Variants in CYP4Z1 observed in about 807,000 individuals in gnomAD.
CYP4Z1 encodes cytochrome P450 4Z1.
A neutral mutation model predicts 54.2 loss-of-function variants in CYP4Z1; 41 were observed. That is an observed-to-expected ratio of 0.76 (90% CI 0.59 to 0.98). CYP4Z1 has a LOEUF of 0.98. Among genes scored for constraint, CYP4Z1 ranks in the 50% least tolerant of loss-of-function variants. The probability of loss-of-function intolerance (pLI) is 0.00; values close to 1 mark genes in which losing one functional copy is unlikely to be tolerated. For synonymous variants in CYP4Z1, 163 were observed against 206.2 expected, an observed-to-expected ratio of 0.79 and a Z score of 1.79; for missense variants, 513 against 599.0, an observed-to-expected ratio of 0.86 and a Z score of 1.50.
chr1:47,075,814 C>T (rs377005797), intron 2 of CYP4Z1: 5,844 of 187,516 alleles, frequency 0.031, no homozygotes, highest in South Asian at 0.054. Context: ...GTTGGCAGCA[C>T]CTGTCTCACT....
In CYP4Z1 at chr1:47,074,110, G is replaced by A. The variant is rs1289583261; in HGVS notation, c.319+5347G>A. On this transcript the variant is annotated intron_variant, in intron 2 of 11. Coordinates refer to ENST00000334194, the MANE Select transcript of CYP4Z1 (RefSeq NM_178134.3). Reference sequence around the variant, plus strand: ...ACATAGGTCTTTAGTCCTTTTTTTGGGTGAAAGAAGCCTAAAGTAGGGGCA... The same window carrying A: ...ACATAGGTCTTTAGTCCTTTTTTTGAGTGAAAGAAGCCTAAAGTAGGGGCA... Among the ~76,000 whole-genome samples, 10 of 152,260 alleles carry A rather than the reference G, an allele frequency of 6.6e-5. No homozygotes were observed. In the South Asian group the frequency reaches 1.9e-3, roughly 29 times the overall value.
chr1:47,082,226 C>T, intron 3 of CYP4Z1, 108 bp from the exon 4 acceptor site: 1 of 1,378,324 alleles, frequency 7.3e-7, no homozygotes, highest in Non-Finnish European at 9.8e-7. Context: ...GCTCTGTCCA[C>T]TCTAACTTTT....
upstream of CYP4Z1, among the ~76,000 whole-genome samples, chr1:47,066,013 A>G (rs1644447886): frequency 1.3e-5 from 2 of 152,162 alleles, no homozygotes; most frequent in Non-Finnish European, 2.9e-5. Context: ...ACCAATAACA[A>G]GCAGTGAGAT....
At chr1:47,058,034 T>G in the CYP4Z1 span, among the ~76,000 whole-genome samples, 2 of 152,092 alleles carry the variant, frequency 1.3e-5, no homozygotes, top group African/African-American at 4.8e-5. Context: ...AAATTCTTTT[T>G]TAAAAAAACT....
At chr1:47,096,381 T>C (rs1484927661) in intron 7 of CYP4Z1, among the ~76,000 whole-genome samples, 2 of 152,210 alleles carry the variant, frequency 1.3e-5, no homozygotes, top group Non-Finnish European at 2.9e-5. Flanking sequence ...CCAGACTGTG[T>C]GACAGAGCAA....
At chr1:47,115,268 G>A (rs1644821390) in intron 9 of CYP4Z1, among the ~76,000 whole-genome samples, 1 of 152,060 alleles carries the variant, frequency 6.6e-6, no homozygotes, top group Admixed American at 6.6e-5. Flanking sequence ...GACACAGGAA[G>A]GGGAACATCA....
intron 9 of CYP4Z1, among the ~76,000 whole-genome samples, chr1:47,114,247 G>GA (rs1323822641): frequency 6.6e-6 from 1 of 152,230 alleles, no homozygotes; most frequent in East Asian, 1.9e-4. Flanking sequence ...GCCATATGCA[G>GA]AAAGCTGAAA....
chr1:47,098,863 A>T (rs918887152), intron 7 of CYP4Z1, among the ~76,000 whole-genome samples: 12 of 152,230 alleles, frequency 7.9e-5, no homozygotes, highest in African/African-American at 2.9e-4. Context: ...ATGAACGTCC[A>T]TAGGACTCTC....
rs1330529583 is a variant in CYP4Z1, at chr1:47,094,615, A to AGAT, written c.823_825dup (p.Asp275dup). 1 of 1,610,582 alleles carries AGAT rather than the reference A, an allele frequency of 6.2e-7. No homozygotes were observed. Among genetic ancestry groups the AGAT allele is most frequent in the East Asian group, 2.2e-5 (1 of 44,790 alleles). On this transcript the variant is annotated inframe_insertion, in exon 7 of 12. Coordinates refer to ENST00000334194, the MANE Select transcript of CYP4Z1 (RefSeq NM_178134.3). ...AGTCTCTTAAGGATAAGCTAAAACA[A>AGAT]GATACTACTCAGAAAAGGCGCTGGG...
chr1:47,113,302 A>ACTCAC (rs1326422722), intron 9 of CYP4Z1, among the ~76,000 whole-genome samples: 3 of 152,116 alleles, frequency 2.0e-5, no homozygotes, highest in Non-Finnish European at 4.4e-5. Context: ...ATTTCATTAT[A>ACTCAC]CTCAGCTCAG....
intron 6 of CYP4Z1, among the ~76,000 whole-genome samples, chr1:47,087,278 C>T (rs1644603356): frequency 6.6e-6 from 1 of 152,154 alleles, no homozygotes. Flanking sequence ...GTATAAATTA[C>T]CTTGGGCAGT....
Position 47,099,137 on chromosome 1 carries a change from A to T in CYP4Z1, c.920A>T (p.Glu307Val). ...KDFSEADLQA[E>V]VKTFMFAGHD... ...TTCTCTGAAGCAGATCTCCAGGCTG[A>T]AGTGAAAACGTTCATGTTTGCAGGA... The change falls in exon 8 of 12, where the codon GAA becomes GTA. Residue 307 changes from glutamate (E) to valine (V), a missense_variant. Glu to Val is a moderately radical substitution (Grantham distance 121). Transcript: ENST00000334194. 1 of 1,614,094 alleles carries T rather than the reference A, an allele frequency of 6.2e-7. No individual in the cohort carries two copies. Among genetic ancestry groups the T allele is most frequent in the Non-Finnish European group, 8.5e-7 (1 of 1,179,976 alleles).
rs868823488 is a variant in CYP4Z1 at position 47,102,143 on chromosome 1, T to C, written c.1067+2859T>C. 3.9e-4 allele frequency among the ~76,000 whole-genome samples: 60 copies of C among 152,338 alleles called. No homozygotes were observed. The Middle Eastern group carries it at 0.01, about 26-fold the overall frequency. On this transcript the variant is annotated intron_variant, in intron 8 of 11. Coordinates refer to ENST00000334194, the MANE Select transcript of CYP4Z1 (RefSeq NM_178134.3). ...TTTACTTTCAGTCTATATGTGTCTTTACAGGTGAGATGAGCTTCTTGTATA... is the reference window on the plus strand; with the variant it reads ...TTTACTTTCAGTCTATATGTGTCTTCACAGGTGAGATGAGCTTCTTGTATA...
At chr1:47,115,213 G>A (rs1250003498) in intron 9 of CYP4Z1, among the ~76,000 whole-genome samples, 5 of 152,064 alleles carry the variant, frequency 3.3e-5, no homozygotes, top group East Asian at 1.9e-4. Context: ...ACCAAACGCC[G>A]CATGTTCTCA....
chr1:47,113,021 T>A (rs1174298961), intron 9 of CYP4Z1, among the ~76,000 whole-genome samples: 3 of 151,108 alleles, frequency 2.0e-5, no homozygotes, highest in African/African-American at 7.3e-5. Context: ...AAAAAGACAA[T>A]ACTCTCACTC....
chr1:47,099,653 G>C (rs184662044), intron 8 of CYP4Z1, among the ~76,000 whole-genome samples: 6 of 152,058 alleles, frequency 3.9e-5, no homozygotes, highest in African/African-American at 1.4e-4. Flanking sequence ...ACCTTAGATT[G>C]CCCAAGTAAG....
chr1:47,091,623 T>A (rs533831719), intron 6 of CYP4Z1, among the ~76,000 whole-genome samples: 3 of 149,878 alleles, frequency 2.0e-5, no homozygotes, highest in African/African-American at 7.3e-5. Context: ...GAGTGACTAC[T>A]GCTTATCCTG....
At chr1:47,106,358 T>A in intron 9 of CYP4Z1, 97 bp downstream of exon 9, 1 of 1,385,654 alleles carries the variant, frequency 7.2e-7, no homozygotes, top group Admixed American at 2.4e-5. Flanking sequence ...ATCCTTAGAC[T>A]CTGTGGAACC....
intron 2 of CYP4Z1, among the ~76,000 whole-genome samples, chr1:47,076,627 T>C (rs1644523743): frequency 1.3e-5 from 2 of 151,692 alleles, no homozygotes; most frequent in East Asian, 3.9e-4. Context: ...GGGTGGATCA[T>C]GAGGTCAGGA....
Sources: gnomAD v4.1 joint callset for allele counts (sites outside exome capture counted in the v4.1 genomes callset) on GRCh38, gnomAD v4.1.1 for gene constraint, MANE v1.5 for transcripts, NCBI Gene and HGNC (gene_info 2026-07-23, HGNC 2026-07-21) for gene names.